NFIC: variants seen among roughly 807,000 people sequenced by gnomAD.
NFIC encodes nuclear factor 1 C-type.
In NFIC, 12 loss-of-function variants were observed where a neutral mutation model predicts 54.4. That is an observed-to-expected ratio of 0.22 (90% CI 0.14 to 0.36). The LOEUF is 0.36. NFIC is among the 10% of genes least tolerant of loss of function. The pLI, the probability that NFIC is intolerant of heterozygous loss-of-function variation, is 1.00. For missense variants in NFIC, 575 were observed against 718.2 expected (o/e 0.80, Z 2.28); for synonymous variants, 322 against 319.2 (o/e 1.01, Z -0.09).
chr19:3,404,190 G>C (rs1487261798), intron 2 of NFIC, among the ~76,000 whole-genome samples: 1 of 145,208 alleles, frequency 6.9e-6, no homozygotes, highest in Non-Finnish European at 1.5e-5. Flanking sequence ...TGTTGGGGGT[G>C]GGGGTGTGGG....
Position 3,458,715 on chromosome 19 carries a change from G to A in NFIC, c.1509+2080G>A, listed in dbSNP as rs896195041. Among the ~76,000 whole-genome samples, 7 of 151,988 alleles carry A rather than the reference G, an allele frequency of 4.6e-5. No individual in the cohort carries two copies. The highest frequency in any genetic ancestry group is 7.3e-5 in the African/African-American group (3 of 41,358). On this transcript the variant is annotated intron_variant, in intron 10 of 10. Transcript: ENST00000443272. The surrounding 1 kb of genome is among the most constrained non-coding windows in gnomAD (Gnocchi z 4.1). ...GCTGGCTGGAATGTGAGAGATCTCC[G>A]GTGGCAGGGGCCAGACAGATGATGC...
rs1390928142 is a variant in NFIC at position 3,439,985 on chromosome 19, G to A, written c.958+4778G>A. On this transcript the variant is annotated intron_variant, in intron 6 of 10. Coordinates refer to ENST00000443272, the MANE Select transcript of NFIC (RefSeq NM_001245002.2). Reference sequence around the variant, plus strand: ...TTACAGGCGTGAGCCACCGCGCCCGGCCAAACACTGGAAGAATTTTAACAC... The same window carrying A: ...TTACAGGCGTGAGCCACCGCGCCCGACCAAACACTGGAAGAATTTTAACAC... Among the ~76,000 whole-genome samples the A allele has an allele frequency of 2.6e-5, 4 of 152,186 alleles. No homozygotes were observed. The East Asian group carries it at 7.8e-4, about 30-fold the overall frequency.
intron 6 of NFIC, among the ~76,000 whole-genome samples, chr19:3,436,459 G>A (rs191240933): frequency 0.011 from 1,492 of 137,248 alleles, 23 homozygotes; most frequent in South Asian, 0.058. Context: ...CCACCATGCC[G>A]GGCCCCTCTT....
At chr19:3,399,344 A>C (rs1201052153) in intron 2 of NFIC, among the ~76,000 whole-genome samples, 1 of 152,090 alleles carries the variant, frequency 6.6e-6, no homozygotes, top group Non-Finnish European at 1.5e-5. Context: ...TGAGAGGCTG[A>C]GACGGGAGGA....
chr19:3,432,277 G>T (rs1181241877), intron 3 of NFIC, among the ~76,000 whole-genome samples: 1 of 152,148 alleles, frequency 6.6e-6, no homozygotes, highest in East Asian at 1.9e-4. Flanking sequence ...AGCAATGCTG[G>T]GGACACTGAG....
intron 2 of NFIC, among the ~76,000 whole-genome samples, chr19:3,394,531 C>CCCCT (rs1192097514): frequency 2.0e-5 from 1 of 48,890 alleles, no homozygotes; most frequent in Admixed American, 2.3e-4. Flanking sequence ...CCACCCCCCA[C>CCCCT]CCGCTTACAC....
intron 9 of NFIC, chr19:3,454,206 C>T: frequency 6.5e-6 from 8 of 1,227,244 alleles, no homozygotes; most frequent in Non-Finnish European, 8.1e-6. Flanking sequence ...GTCAGAAACC[C>T]TCCCTGGTAT....
intron 1 of NFIC, among the ~76,000 whole-genome samples, chr19:3,360,911 G>C (rs1421837209): frequency 6.6e-6 from 1 of 152,208 alleles, no homozygotes; most frequent in Non-Finnish European, 1.5e-5. Context: ...GGTGCCGCTT[G>C]CTGTGTGCGA....
rs372862380 is a variant in NFIC, at chr19:3,382,122, C to T, written c.441C>T (p.Asp147=). ...LFKGIPLEST[D]GERLVKAAQC... is the part of the protein sequence containing the mutation. ...AGGGCATCCCGCTGGAGAGCACCGA[C>T]GGCGAGCGCCTGGTCAAGGCTGCGC... Residue 147 remains aspartate (D), a synonymous_variant, in exon 2 of 11, where the codon GAC becomes GAT. Transcript: ENST00000443272. 118 of 1,613,170 alleles carry T rather than the reference C, an allele frequency of 7.3e-5. No individual in the cohort carries two copies. Among genetic ancestry groups the T allele is most frequent in the Non-Finnish European group, 9.0e-5 (106 of 1,179,960 alleles).
chr19:3,417,032 C>G (rs376085748), intron 2 of NFIC, among the ~76,000 whole-genome samples: 1 of 147,732 alleles, frequency 6.8e-6, no homozygotes, highest in African/African-American at 2.4e-5. Flanking sequence ...TACAGGCGCC[C>G]GCCACCAGGC....
intron 2 of NFIC, among the ~76,000 whole-genome samples, chr19:3,404,012 C>G (rs1184627986): frequency 6.6e-6 from 1 of 151,430 alleles, no homozygotes; most frequent in East Asian, 1.9e-4. Flanking sequence ...CTTCTCCACC[C>G]CCCCAGCCCC....
intron 1 of NFIC, among the ~76,000 whole-genome samples, chr19:3,360,539 G>GT (rs1454594468): frequency 6.6e-6 from 1 of 152,078 alleles, no homozygotes; most frequent in African/African-American, 2.4e-5. Context: ...TGGCATCTGG[G>GT]GGAGCGTCTG....
intron 2 of NFIC, among the ~76,000 whole-genome samples, chr19:3,389,197 G>T (rs1373714397): frequency 6.6e-6 from 1 of 152,222 alleles, no homozygotes; most frequent in Non-Finnish European, 1.5e-5. Context: ...AGGGGACCAA[G>T]CCTGGGGCCA....
At chr19:3,402,249 T>G (rs1214974219) in intron 2 of NFIC, among the ~76,000 whole-genome samples, 1 of 152,322 alleles carries the variant, frequency 6.6e-6, no homozygotes, top group South Asian at 2.1e-4. Flanking sequence ...CTTTGTCATG[T>G]TGACGACCAG....
chr19:3,434,457 C>G, intron 5 of NFIC, 57 bp downstream of exon 5: 2 of 1,524,080 alleles, frequency 1.3e-6, no homozygotes, highest in Non-Finnish European at 1.8e-6. Flanking sequence ...TCAACCCATC[C>G]CCTCTGGCCC....
Position 3,372,290 on chromosome 19 carries a change from G to A in NFIC, c.30+5624G>A, listed in dbSNP as rs916276243. On this transcript the variant is annotated intron_variant, in intron 1 of 10. Coordinates refer to ENST00000443272, the MANE Select transcript of NFIC (RefSeq NM_001245002.2). Reference sequence around the variant, plus strand: ...CCTGCCTCGGCCTCCCAAAGTGCTGGGATTACAGGCATGAGCCACCGTGCC... The same window carrying A: ...CCTGCCTCGGCCTCCCAAAGTGCTGAGATTACAGGCATGAGCCACCGTGCC... 2.0e-5 allele frequency among the ~76,000 whole-genome samples: 3 copies of A among 152,120 alleles called. No individual in the cohort carries two copies. In the East Asian group the frequency reaches 5.8e-4, roughly 29 times the overall value.
At position 3,459,623 on chromosome 19, in the gene NFIC, C is replaced by T. The variant is rs2082611744; in HGVS notation, c.1509+2988C>T. Among the ~76,000 whole-genome samples the T allele has an allele frequency of 6.6e-6, 1 of 152,190 alleles. No homozygotes were observed. ...GAGTTGAGGGTGCCCCCACCCCACC[C>T]CCGCCCCATTGCTGGGGCCACAGCC... On this transcript the variant is annotated intron_variant, in intron 10 of 10. Coordinates refer to ENST00000443272, the MANE Select transcript of NFIC (RefSeq NM_001245002.2). This position sits in a 1 kb window ranked among gnomAD's most constrained non-coding sequence, Gnocchi z 4.2.
At chr19:3,440,800 C>T (rs1303260517) in intron 6 of NFIC, among the ~76,000 whole-genome samples, 1 of 152,132 alleles carries the variant, frequency 6.6e-6, no homozygotes, top group Admixed American at 6.6e-5. Flanking sequence ...GGATTACAGG[C>T]GTGAGCCACT....
At chr19:3,447,767 C>T (rs372635966) in intron 6 of NFIC, among the ~76,000 whole-genome samples, 46 of 152,336 alleles carry the variant, frequency 3.0e-4, no homozygotes, top group Admixed American at 2.5e-3. Flanking sequence ...CATGGCCAGC[C>T]GGGGTTTGAA....
Sources: allele counts gnomAD v4.1 joint callset (sites outside exome capture counted in the v4.1 genomes callset), GRCh38; gene constraint gnomAD v4.1.1; non-coding constraint Gnocchi (gnomAD v3.1); transcripts MANE v1.5; gene names NCBI Gene and HGNC (gene_info 2026-07-23, HGNC 2026-07-21).